The following PKHD1L1 variants were observed in gnomAD, a reference collection of about 807,000 sequenced individuals.
PKHD1L1 encodes PKHD1 like 1.
In PKHD1L1, 434 loss-of-function variants were observed where a neutral mutation model predicts 462.9. The observed-to-expected ratio is 0.94, with a 90% CI of 0.87 to 1.02. The LOEUF is 1.02. PKHD1L1 is among the 50% of genes least tolerant of loss of function. The pLI, the probability that PKHD1L1 is intolerant of heterozygous loss-of-function variation, is 0.00. For missense variants in PKHD1L1, 5,202 were observed against 5,096.1 expected (o/e 1.02, Z -0.63); for synonymous variants, 1,781 against 1,750.0 (o/e 1.02, Z -0.44).
At chr8:109,374,002 G>A (rs1811664872) in intron 2 of PKHD1L1, among the ~76,000 whole-genome samples, 1 of 152,200 alleles carries the variant, frequency 6.6e-6, no homozygotes, top group Admixed American at 6.5e-5. Context: ...GGAGAGTTCT[G>A]TAGATGTCTA....
In PKHD1L1 at chr8:109,481,571, C is replaced by G. The variant is rs1391056126; in HGVS notation, c.9457+9C>G. The G allele has an allele frequency of 6.4e-7, 1 of 1,556,110 alleles. No individual in the cohort carries two copies. The highest frequency in any genetic ancestry group is 8.7e-7 in the Non-Finnish European group (1 of 1,155,100). On this transcript the variant is annotated intron_variant, in intron 56 of 77. Coordinates refer to ENST00000378402, the MANE Select transcript of PKHD1L1 (RefSeq NM_177531.6). ...AGGGGCAAAGGTCTTAGGTGTGTGT[C>G]TACAGATACCAAAAGTGTCACATCT...
intron 62 of PKHD1L1, among the ~76,000 whole-genome samples, chr8:109,492,403 C>A (rs1395873671): frequency 6.6e-6 from 1 of 151,698 alleles, no homozygotes; most frequent in Non-Finnish European, 1.5e-5. Flanking sequence ...TCTTGTTTCC[C>A]ATGGAGTTTC....
chr8:109,384,437 G>A (rs567043288), intron 5 of PKHD1L1, among the ~76,000 whole-genome samples: 47 of 152,046 alleles, frequency 3.1e-4, no homozygotes, highest in African/African-American at 1.1e-3. Context: ...CAGCTACTCC[G>A]GAGGCTGAGG....
chr8:109,372,163 A>G (rs1350847413), intron 2 of PKHD1L1, among the ~76,000 whole-genome samples: 7 of 152,026 alleles, frequency 4.6e-5, no homozygotes, highest in Non-Finnish European at 8.8e-5. Context: ...ATTTGTTTGT[A>G]TCCTCTTTTA....
At chr8:109,517,013 A>G (rs1319205944) in intron 72 of PKHD1L1, among the ~76,000 whole-genome samples, 1 of 152,114 alleles carries the variant, frequency 6.6e-6, no homozygotes, top group East Asian at 1.9e-4. Context: ...GCAGACATAG[A>G]TATTAATAAA....
chr8:109,510,462 T>C (rs548791025), intron 70 of PKHD1L1, among the ~76,000 whole-genome samples: 1 of 152,264 alleles, frequency 6.6e-6, no homozygotes, highest in South Asian at 2.1e-4. Context: ...AAAGAAGAGA[T>C]ATATGGAAAT....
Position 109,459,786 on chromosome 8 carries a change from A to G in PKHD1L1, c.7196A>G (p.Asn2399Ser), listed in dbSNP as rs1316563096. Residue 2399 changes from asparagine (N) to serine (S), a missense_variant, in exon 47 of 78, where the codon AAT (asparagine) becomes AGT (serine). Asn to Ser is a conservative substitution (Grantham distance 46). Transcript: ENST00000378402. ...TRNILIRGSD[N>S]VEWNNKIPAC... ...AATATTTTAATAAGAGGATCTGATA[A>G]TGTTGAGTGGAATAACAAAATTCCT... is the stretch of plus-strand genomic sequence containing the variant. 1 of 1,611,698 alleles carries G rather than the reference A, an allele frequency of 6.2e-7. No individual in the cohort carries two copies.
chr8:109,372,199 C>T (rs901814990), intron 2 of PKHD1L1, among the ~76,000 whole-genome samples: 11 of 152,108 alleles, frequency 7.2e-5, no homozygotes, highest in African/African-American at 2.7e-4. Flanking sequence ...GTTTGTAGTT[C>T]TCCTTGAAGA....
At position 109,429,989 on chromosome 8, in the gene PKHD1L1, T is replaced by A. The variant is rs747396587; in HGVS notation, c.3181T>A (p.Trp1061Arg). 6.2e-7 allele frequency: 1 copy of A among 1,611,432 alleles called. No individual in the cohort carries two copies. The highest frequency in any genetic ancestry group is 8.5e-7 in the Non-Finnish European group (1 of 1,179,078). ...ATGTTCAGGTGACTGTGGATTTACA[T>A]GGGATTCCAACATTACTCCCCTAGT... ...AKCSGDCGFT[W>R]DSNITPLVLA... Residue 1061 changes from tryptophan to arginine, a missense_variant, in exon 27 of 78, where the codon TGG becomes AGG. By Grantham distance (101) the Trp-to-Arg change is moderately radical. Coordinates refer to ENST00000378402, the MANE Select transcript of PKHD1L1 (RefSeq NM_177531.6).
At chr8:109,478,536 A>G (rs993595600) in intron 53 of PKHD1L1, among the ~76,000 whole-genome samples, 26 of 152,070 alleles carry the variant, frequency 1.7e-4, no homozygotes, top group Admixed American at 1.2e-3. Context: ...GGGTTATTCC[A>G]ACTGCAACCC....
intron 58 of PKHD1L1, 76 bp from the exon 59 acceptor site, chr8:109,486,572 A>G: frequency 7.1e-7 from 1 of 1,410,140 alleles, no homozygotes. Context: ...GCTGTTTAGC[A>G]TATAAACTGC....
At chr8:109,501,012 A>G (rs1819383964) in intron 67 of PKHD1L1, among the ~76,000 whole-genome samples, 1 of 152,190 alleles carries the variant, frequency 6.6e-6, no homozygotes, top group South Asian at 2.1e-4. Flanking sequence ...CTAAAATTTT[A>G]GTATTGGAAG....
chr8:109,437,384 G>A (rs1255632596), intron 30 of PKHD1L1, among the ~76,000 whole-genome samples: 1 of 151,980 alleles, frequency 6.6e-6, no homozygotes, highest in East Asian at 1.9e-4. Context: ...GGGTACATGT[G>A]CACAACGTGC....
At chr8:109,490,128 A>G in intron 60 of PKHD1L1, 73 bp downstream of exon 60, 2 of 932,798 alleles carry the variant, frequency 2.1e-6, no homozygotes, top group South Asian at 3.6e-5. Context: ...TGACTTCTAA[A>G]TAGCCACATC....
chr8:109,427,019 T>A lies in PKHD1L1; in HGVS notation c.2863T>A (p.Ser955Thr), dbSNP rs1814788971. Residue 955 changes from serine to threonine, a missense_variant, in exon 25 of 78, where the codon TCA becomes ACA. Ser to Thr is a moderately conservative substitution (Grantham distance 58, BLOSUM62 1). Transcript: ENST00000378402. The part of the protein sequence containing the change: ...HILKGLPAAV[S>T]AADLQFALQS... ...GAGTGCAGGCCTCCCCGCTGCTGTG[T>A]CAGCTGCAGATCTGCAGTTTGCACT... The A allele has an allele frequency of 1.9e-6, 3 of 1,557,792 alleles. No individual in the cohort carries two copies. The East Asian group carries it at 6.7e-5, about 35-fold the overall frequency.
At chr8:109,431,207 C>A (rs1815081637) in intron 27 of PKHD1L1, among the ~76,000 whole-genome samples, 1 of 152,030 alleles carries the variant, frequency 6.6e-6, no homozygotes, top group Admixed American at 6.6e-5. Flanking sequence ...TTTACATGCA[C>A]TTCCTGAAAA....
In PKHD1L1 at chr8:109,530,157, G is replaced by C. The variant is rs1821001301; in HGVS notation, c.*67G>C. ...TTATTAGCTACTTTGTTGGGCAATA[G>C]GCAAAAGTCTATAGCATTTTCATGA... On this transcript the variant is annotated 3_prime_UTR_variant, in exon 78 of 78. Coordinates refer to ENST00000378402, the MANE Select transcript of PKHD1L1 (RefSeq NM_177531.6). The C allele has an allele frequency of 1.0e-6, 1 of 992,808 alleles. No homozygotes were observed. The highest frequency in any genetic ancestry group is 1.4e-6 in the Non-Finnish European group (1 of 728,574). The allele number at this position is 992,808 out of a possible 1,614,324, so 61.5% of individuals were successfully genotyped here.
chr8:109,363,895 T>C (rs1023027201), intron 1 of PKHD1L1, among the ~76,000 whole-genome samples: 5 of 152,188 alleles, frequency 3.3e-5, no homozygotes, highest in African/African-American at 1.2e-4. Context: ...CTCTGTCTCT[T>C]GGTACTGTCT....
In PKHD1L1 at chr8:109,461,770, A is replaced by G. The variant is rs535464863; in HGVS notation, c.7247-2A>G. On this transcript the variant is annotated splice_acceptor_variant, in intron 47 of 77. Transcript: ENST00000378402. LOFTEE classifies it high-confidence loss of function. ...AATGATGCTTTAAAAACTGTTTTGA[A>G]GGAGAATTTGCTACACAGACCTGTC... The G allele has an allele frequency of 4.4e-6, 7 of 1,604,328 alleles. No homozygotes were observed. The African/African-American group carries it at 9.4e-5, about 21-fold the overall frequency.
Sources: gnomAD v4.1 joint callset for allele counts (sites outside exome capture counted in the v4.1 genomes callset) on GRCh38, gnomAD v4.1.1 for gene constraint, MANE v1.5 for transcripts, NCBI Gene and HGNC (gene_info 2026-07-23, HGNC 2026-07-21) for gene names.